THRB: variants seen among roughly 807,000 people sequenced by gnomAD.
THRB encodes nuclear receptor subfamily 1 group A member 2.
A neutral mutation model predicts 47.8 loss-of-function variants in THRB; 12 were observed. The observed-to-expected ratio is 0.25, with a 90% CI of 0.16 to 0.41. The LOEUF is 0.41. Among genes scored for constraint, THRB ranks in the 10% least tolerant of loss-of-function variants. THRB has a pLI of 1.00. For missense variants in THRB, 348 were observed against 589.2 expected, an observed-to-expected ratio of 0.59 and a Z score of 4.24; for synonymous variants, 218 against 212.2, an observed-to-expected ratio of 1.03 and a Z score of -0.24.
chr3:24,243,962 T>C (rs991026935), intron 3 of THRB, among the ~76,000 whole-genome samples: 3 of 152,212 alleles, frequency 2.0e-5, no homozygotes, highest in East Asian at 3.9e-4. Flanking sequence ...TGACAGATTT[T>C]GAGGAAACAC....
chr3:24,344,783 C>T lies in THRB; in HGVS notation c.-260-7412G>A, dbSNP rs576975735. 6.1e-4 allele frequency among the ~76,000 whole-genome samples: 92 copies of T among 152,034 alleles called. No individual in the cohort carries two copies. In the South Asian group the frequency reaches 7.5e-3, roughly 12 times the overall value. On this transcript the variant is annotated intron_variant, in intron 1 of 10. Transcript: ENST00000646209. ...ACCTTCTATTCCATTTAACTCTACC[C>T]TATTTTGTTCTATTTTATGTACTAT...
chr3:24,327,332 C>T (rs1242449161), intron 2 of THRB, among the ~76,000 whole-genome samples: 2 of 151,834 alleles, frequency 1.3e-5, no homozygotes, highest in Admixed American at 6.6e-5. Context: ...AATTTTGTTT[C>T]TAATTCAATC....
At chr3:24,271,277 TAAAC>T (rs1239854934) in intron 3 of THRB, among the ~76,000 whole-genome samples, 4 of 152,222 alleles carry the variant, frequency 2.6e-5, no homozygotes, top group African/African-American at 9.6e-5. Context: ...ATGAAAATAC[TAAAC>T]AATCAGAACT....
intron 5 of THRB, among the ~76,000 whole-genome samples, chr3:24,168,690 A>G (rs2149326166): frequency 6.6e-6 from 1 of 151,714 alleles, no homozygotes; most frequent in South Asian, 2.1e-4. Context: ...CCTGTGTACT[A>G]ACTCCTTTTT....
intron 1 of THRB, among the ~76,000 whole-genome samples, chr3:24,352,391 G>A (rs2063411318): frequency 6.6e-6 from 1 of 152,138 alleles, no homozygotes. Flanking sequence ...GTCCCTATGA[G>A]GATAGGGCTG....
intron 1 of THRB, among the ~76,000 whole-genome samples, chr3:24,342,513 A>T (rs1054299166): frequency 6.6e-6 from 1 of 152,116 alleles, no homozygotes; most frequent in Non-Finnish European, 1.5e-5. Context: ...TGTCAGAGAT[A>T]CTGTCTGAGG....
chr3:24,245,784 G>A (rs545628172), intron 3 of THRB, among the ~76,000 whole-genome samples: 4 of 152,174 alleles, frequency 2.6e-5, no homozygotes, highest in East Asian at 1.9e-4. Context: ...GTGGTGGCAC[G>A]TGCCTGTAAT....
At chr3:24,419,879 C>T (rs978521153) in intron 1 of THRB, among the ~76,000 whole-genome samples, 1 of 151,602 alleles carries the variant, frequency 6.6e-6, no homozygotes, top group Non-Finnish European at 1.5e-5. Flanking sequence ...TATAATACCC[C>T]CAGGAAGAGT....
chr3:24,133,206 A>G (rs778036911), intron 9 of THRB, 110 bp downstream of exon 9: 18 of 1,280,278 alleles, frequency 1.4e-5, no homozygotes, highest in East Asian at 2.4e-5. Flanking sequence ...TTGCTTTCAT[A>G]TGATTAAGTC....
intron 3 of THRB, among the ~76,000 whole-genome samples, chr3:24,254,866 G>A (rs1323059709): frequency 6.6e-6 from 1 of 152,176 alleles, no homozygotes; most frequent in African/African-American, 2.4e-5. Flanking sequence ...TAGCCATGTA[G>A]AATCACATTG....
chr3:24,486,114 GT>G (rs1697250379), intron 1 of THRB, among the ~76,000 whole-genome samples: 1 of 152,092 alleles, frequency 6.6e-6, no homozygotes, highest in Non-Finnish European at 1.5e-5. Context: ...ATTTTTGATG[GT>G]CACAACTGGA....
At chr3:24,243,080 A>G in intron 3 of THRB, among the ~76,000 whole-genome samples, 1 of 151,434 alleles carries the variant, frequency 6.6e-6, no homozygotes, top group East Asian at 1.9e-4. Flanking sequence ...AAAAAAAAAA[A>G]AAAAAAAAAA....
intron 4 of THRB, among the ~76,000 whole-genome samples, chr3:24,221,658 T>A (rs2047175230): frequency 6.6e-6 from 1 of 152,202 alleles, no homozygotes; most frequent in Admixed American, 6.5e-5. Flanking sequence ...AATTTTTTTT[T>A]CACTCTTCTG....
chr3:24,174,045 A>T (rs9310731), intron 5 of THRB, among the ~76,000 whole-genome samples: 60,368 of 151,772 alleles, frequency 0.4, 12,210 homozygotes, highest in South Asian at 0.51. Flanking sequence ...TTTTACTTCA[A>T]GTTCTGGGAT....
At position 24,366,243 on chromosome 3, in the gene THRB, T is replaced by C. The variant is rs578151212; in HGVS notation, c.-260-28872A>G. Among the ~76,000 whole-genome samples, 6 of 152,326 alleles carry C rather than the reference T, an allele frequency of 3.9e-5. No individual in the cohort carries two copies. In the South Asian group the frequency reaches 1.0e-3, roughly 26 times the overall value. On this transcript the variant is annotated intron_variant, in intron 1 of 10. Transcript: ENST00000646209. ...CCATCGTTGAATCAGACACTATTCC[T>C]ATATAACAAGCATTCTCTACTTATA...
chr3:24,152,994 GA>G (rs2037240706), intron 5 of THRB, among the ~76,000 whole-genome samples: 1 of 150,448 alleles, frequency 6.6e-6, no homozygotes, highest in Non-Finnish European at 1.5e-5. Flanking sequence ...AAGAAAGAAA[GA>G]AAGAAAGAAA....
intron 3 of THRB, among the ~76,000 whole-genome samples, chr3:24,243,842 T>C (rs1432834085): frequency 6.6e-6 from 1 of 152,108 alleles, no homozygotes; most frequent in Non-Finnish European, 1.5e-5. Context: ...AGCAGGCCCT[T>C]AGTAAATACT....
intron 3 of THRB, among the ~76,000 whole-genome samples, chr3:24,254,360 A>G (rs2051017561): frequency 6.6e-6 from 1 of 151,196 alleles, no homozygotes; most frequent in South Asian, 2.1e-4. Context: ...GTGGCACTCC[A>G]GGCTGGGCAA....
rs115507215 is a variant in THRB at position 24,254,919 on chromosome 3, T to C, written c.-42-25918A>G. On this transcript the variant is annotated intron_variant, in intron 3 of 10. Coordinates refer to ENST00000646209, the MANE Select transcript of THRB (RefSeq NM_001354712.2). ...TTCTATGAGCCCCTGACAGCTTCAG[T>C]TTTCCTCTCTAATAACATGTATGAA... Among the ~76,000 whole-genome samples, 830 of 152,320 alleles carry C rather than the reference T, an allele frequency of 5.4e-3. 8 individuals carry two copies. The highest frequency in any genetic ancestry group is 0.019 in the African/African-American group (776 of 41,568).
Sources: gnomAD v4.1 joint callset for allele counts (sites outside exome capture counted in the v4.1 genomes callset) on GRCh38, gnomAD v4.1.1 for gene constraint, MANE v1.5 for transcripts, NCBI Gene and HGNC (gene_info 2026-07-23, HGNC 2026-07-21) for gene names.